Variants in CACNA2D3 observed in about 807,000 individuals in gnomAD.
CACNA2D3 encodes the protein voltage-dependent calcium channel subunit alpha-2/delta-3.
CACNA2D3 carries 60 observed loss-of-function variants against 160.6 expected under a neutral mutation model. That is an observed-to-expected ratio of 0.37 (90% CI 0.30 to 0.46). CACNA2D3 has a LOEUF of 0.46. CACNA2D3 is among the 20% of genes least tolerant of loss of function. The pLI is 1.00. For synonymous variants in CACNA2D3, 558 were observed against 492.9 expected (o/e 1.13, Z -1.75); for missense variants, 1,205 against 1,365.0 (o/e 0.88, Z 1.85).
At chr3:54,743,589 G>T (rs1343083212) in intron 11 of CACNA2D3, among the ~76,000 whole-genome samples, 1 of 152,242 alleles carries the variant, frequency 6.6e-6, no homozygotes, top group Non-Finnish European at 1.5e-5. Context: ...ATCCCAATTT[G>T]TGGAACAATT....
intron 17 of CACNA2D3, among the ~76,000 whole-genome samples, chr3:54,851,737 G>A (rs1699062110): frequency 6.6e-6 from 1 of 152,130 alleles, no homozygotes; most frequent in Admixed American, 6.5e-5. Flanking sequence ...AAAGAAACAA[G>A]TGAAATTAAA....
intron 9 of CACNA2D3, among the ~76,000 whole-genome samples, chr3:54,609,869 A>T (rs555512497): frequency 5.9e-5 from 9 of 152,350 alleles, no homozygotes; most frequent in Non-Finnish European, 1.0e-4. Context: ...TTGGACGGCC[A>T]TAACAAAGTA....
chr3:54,170,548 C>T (rs1302363577), intron 2 of CACNA2D3, among the ~76,000 whole-genome samples: 1 of 152,132 alleles, frequency 6.6e-6, no homozygotes, highest in African/African-American at 2.4e-5. Context: ...AATATTGCTG[C>T]TGTGCACCTC....
intron 14 of CACNA2D3, among the ~76,000 whole-genome samples, chr3:54,836,410 A>AT (rs1394734445): frequency 6.6e-6 from 1 of 151,332 alleles, no homozygotes; most frequent in Non-Finnish European, 1.5e-5. Flanking sequence ...AATTTTTTGT[A>AT]TTTTTAGTAG....
At chr3:54,212,878 G>A (rs1701400535) in intron 2 of CACNA2D3, among the ~76,000 whole-genome samples, 1 of 152,140 alleles carries the variant, frequency 6.6e-6, no homozygotes, top group African/African-American at 2.4e-5. Context: ...ATACTGACAA[G>A]ACCTGCCCCA....
chr3:54,894,132 C>G (rs971822468), intron 25 of CACNA2D3, among the ~76,000 whole-genome samples: 3 of 152,190 alleles, frequency 2.0e-5, no homozygotes, highest in African/African-American at 7.2e-5. Context: ...CTAGACCAGC[C>G]TGACACACCA....
intron 13 of CACNA2D3, 32 bp downstream of exon 13, chr3:54,764,383 A>G (rs747896359): frequency 1.2e-6 from 2 of 1,610,606 alleles, no homozygotes; most frequent in Non-Finnish European, 1.7e-6. Flanking sequence ...AAAGAGGCTA[A>G]GCTTTACCCC....
At chr3:54,727,299 A>G (rs550703770) in intron 11 of CACNA2D3, among the ~76,000 whole-genome samples, 2 of 152,202 alleles carry the variant, frequency 1.3e-5, no homozygotes, top group Non-Finnish European at 2.9e-5. Context: ...ACGCTCTTAC[A>G]CTGTTGGTGG....
intron 11 of CACNA2D3, among the ~76,000 whole-genome samples, chr3:54,652,943 C>T (rs575461395): frequency 7.2e-5 from 11 of 152,068 alleles, no homozygotes; most frequent in South Asian, 2.1e-4. Context: ...CCACCACACC[C>T]GGCTAATTTT....
At chr3:54,187,753 A>T (rs1432742515) in intron 2 of CACNA2D3, among the ~76,000 whole-genome samples, 1 of 152,078 alleles carries the variant, frequency 6.6e-6, no homozygotes, top group Non-Finnish European at 1.5e-5. Flanking sequence ...TCTCATAAGG[A>T]GCGTGCAACC....
At chr3:54,594,521 T>C (rs2106761288) in intron 9 of CACNA2D3, among the ~76,000 whole-genome samples, 1 of 152,284 alleles carries the variant, frequency 6.6e-6, no homozygotes, top group South Asian at 2.1e-4. Flanking sequence ...GATTGGGTAA[T>C]ATTCCTTTAC....
At chr3:54,756,722 C>G (rs973824700) in intron 12 of CACNA2D3, among the ~76,000 whole-genome samples, 1 of 152,124 alleles carries the variant, frequency 6.6e-6, no homozygotes, top group Non-Finnish European at 1.5e-5. Flanking sequence ...CAAGGACCTG[C>G]TATCAGTGCA....
chr3:54,490,542 A>G (rs1235116680), intron 4 of CACNA2D3, among the ~76,000 whole-genome samples: 1 of 152,170 alleles, frequency 6.6e-6, no homozygotes, highest in Non-Finnish European at 1.5e-5. Context: ...TGTTTCCCTA[A>G]GTGGTACAGA....
intron 13 of CACNA2D3, among the ~76,000 whole-genome samples, chr3:54,783,748 T>C (rs926188424): frequency 1.3e-5 from 2 of 152,230 alleles, no homozygotes; most frequent in African/African-American, 4.8e-5. Context: ...ATCTCTTACA[T>C]GGAGAGTTCT....
intron 4 of CACNA2D3, among the ~76,000 whole-genome samples, chr3:54,416,953 G>A (rs534125452): frequency 4.2e-4 from 64 of 152,252 alleles, no homozygotes; most frequent in Admixed American, 6.5e-4. Flanking sequence ...GCCACTGTCA[G>A]GCAGGTGTCC....
chr3:54,170,875 A>G (rs973413881), intron 2 of CACNA2D3, among the ~76,000 whole-genome samples: 2 of 152,092 alleles, frequency 1.3e-5, no homozygotes, highest in Admixed American at 1.3e-4. Context: ...GTCATTCTCT[A>G]GGCTTTGTCA....
chr3:54,658,659 A>G (rs1310526873), intron 11 of CACNA2D3, among the ~76,000 whole-genome samples: 1 of 152,244 alleles, frequency 6.6e-6, no homozygotes, highest in Non-Finnish European at 1.5e-5. Context: ...AAATGGGACT[A>G]CACCAAACTA....
At chr3:54,853,853 G>A (rs890387852) in intron 17 of CACNA2D3, among the ~76,000 whole-genome samples, 6 of 152,118 alleles carry the variant, frequency 3.9e-5, no homozygotes, top group South Asian at 2.1e-4. Flanking sequence ...GCATTCTGCC[G>A]GCCACAGCCT....
At chr3:54,991,309 G>A (rs1056346596) in intron 31 of CACNA2D3, among the ~76,000 whole-genome samples, 7 of 149,158 alleles carry the variant, frequency 4.7e-5, no homozygotes, top group African/African-American at 7.5e-5. Flanking sequence ...TGCAACCACC[G>A]CCTTCTGGGT....
Sources: allele counts gnomAD v4.1 joint callset (sites outside exome capture counted in the v4.1 genomes callset), GRCh38; gene constraint gnomAD v4.1.1; transcripts MANE v1.5; gene names NCBI Gene and HGNC (gene_info 2026-07-23, HGNC 2026-07-21).